Variants in SAFB2 observed in about 807,000 individuals in gnomAD.
SAFB2 encodes scaffold attachment factor B2.
SAFB2 carries 32 observed loss-of-function variants against 100.6 expected under a neutral mutation model. The observed-to-expected ratio is 0.32, with a 90% CI of 0.24 to 0.43. The LOEUF (loss-of-function observed/expected upper bound fraction) is 0.43. Among genes scored for constraint, SAFB2 ranks in the 20% least tolerant of loss-of-function variants. The probability of loss-of-function intolerance (pLI) is 1.00; values close to 1 mark genes in which losing one functional copy is unlikely to be tolerated. For synonymous variants in SAFB2, 500 were observed against 439.4 expected (o/e 1.14, Z -1.72); for missense variants, 1,185 against 1,163.4 (o/e 1.02, Z -0.27).
At chr19:5,621,654 T>C (rs2053151576) in intron 1 of SAFB2, among the ~76,000 whole-genome samples, 1 of 152,218 alleles carries the variant, frequency 6.6e-6, no homozygotes, top group South Asian at 2.1e-4. Context: ...AGTTCCAAAA[T>C]GGCAACTCAA....
intron 9 of SAFB2, among the ~76,000 whole-genome samples, chr19:5,609,321 T>TTTA (rs1025827306): frequency 7.1e-6 from 1 of 140,506 alleles, no homozygotes; most frequent in African/African-American, 2.6e-5. Flanking sequence ...TTTTTTTTTT[T>TTTA]ATGACATAGT....
At chr19:5,620,013 A>G (rs529446830) in intron 2 of SAFB2, among the ~76,000 whole-genome samples, 4 of 152,346 alleles carry the variant, frequency 2.6e-5, no homozygotes, top group South Asian at 4.1e-4. Flanking sequence ...CACATCATGC[A>G]TAAGTTAACA....
At chr19:5,621,229 A>G in intron 2 of SAFB2, 80 bp downstream of exon 2, 4 of 923,928 alleles carry the variant, frequency 4.3e-6, no homozygotes, top group South Asian at 2.6e-5. Context: ...CTCCCAGCCT[A>G]GAAGGCGGGA....
chr19:5,612,803 T>C (rs899832337), intron 5 of SAFB2, among the ~76,000 whole-genome samples: 11 of 152,332 alleles, frequency 7.2e-5, no homozygotes, highest in African/African-American at 2.6e-4. Flanking sequence ...TCTCCCGAGT[T>C]TGGGCCCTGC....
chr19:5,604,989 C>G, intron 9 of SAFB2, 53 bp from the exon 10 acceptor site: 1 of 1,579,626 alleles, frequency 6.3e-7, no homozygotes, highest in Non-Finnish European at 8.6e-7. Flanking sequence ...ACACAACTTG[C>G]TAAAGTTATT....
intron 2 of SAFB2, among the ~76,000 whole-genome samples, chr19:5,619,656 A>G (rs2053101306): frequency 6.6e-6 from 1 of 152,116 alleles, no homozygotes; most frequent in Admixed American, 6.5e-5. Flanking sequence ...CCTGGCCAAC[A>G]TGGATGGTGA....
chr19:5,588,477 G>A (rs567063925), intron 18 of SAFB2, among the ~76,000 whole-genome samples: 1 of 152,282 alleles, frequency 6.6e-6, no homozygotes, highest in African/African-American at 2.4e-5. Flanking sequence ...CAGCCAAAGG[G>A]AGAAGGACCC....
chr19:5,610,728 C>A (rs201142666), intron 7 of SAFB2, 40 bp from the exon 8 acceptor site: 1 of 1,346,664 alleles, frequency 7.4e-7, no homozygotes, highest in Non-Finnish European at 1.0e-6. Context: ...AGGAAAAAAA[C>A]GAAAGAGAAC....
intron 4 of SAFB2, 193 bp from the exon 5 acceptor site, chr19:5,613,720 C>T (rs1368335512): frequency 1.8e-5 from 18 of 985,342 alleles, no homozygotes; most frequent in South Asian, 4.7e-5. Flanking sequence ...GCTCCACCAG[C>T]GTCTCTGGCA....
chr19:5,587,088 TAAAAAAA>T lies in SAFB2; in HGVS notation c.*148_*154del, dbSNP rs761417725. The T allele has an allele frequency of 3.8e-6, 3 of 790,938 alleles. No individual in the cohort carries two copies. Among genetic ancestry groups the T allele is most frequent in the Non-Finnish European group, 5.6e-6 (3 of 531,732 alleles). The allele number at this position is 790,938 out of a possible 1,614,324, so 49.0% of individuals were successfully genotyped here. The stretch of plus-strand genomic sequence containing the variant: ...ATGGCAGAACAAGAACACATTTATT[TAAAAAAA>T]AAAAAAAAGTGAGTTCACATTGTAT... On this transcript the variant is annotated 3_prime_UTR_variant, in exon 21 of 21. Transcript: ENST00000252542. The surrounding 1 kb of genome is among the most constrained non-coding windows in gnomAD (Gnocchi z 4.9).
chr19:5,590,418 A>G lies in SAFB2; in HGVS notation c.2395-10T>C. ...GGTCATCTCCATAGTGCTGGAAGGC[A>G]GGAGAGGAACAGGGTGACACTGACC... On this transcript the variant is annotated splice_polypyrimidine_tract_variant and intron_variant, in intron 17 of 20. Coordinates refer to ENST00000252542, the MANE Select transcript of SAFB2 (RefSeq NM_014649.3). The G allele has an allele frequency of 6.2e-7, 1 of 1,603,520 alleles. No individual in the cohort carries two copies. Among genetic ancestry groups the G allele is most frequent in the Non-Finnish European group, 8.5e-7 (1 of 1,174,502 alleles).
chr19:5,611,278 G>A lies in SAFB2; in HGVS notation c.987C>T (p.Ala329=), dbSNP rs1340678378. 2.6e-6 allele frequency: 1 copy of A among 378,382 alleles called. No homozygotes were observed. Among genetic ancestry groups the A allele is most frequent in the East Asian group, 4.1e-5 (1 of 24,216 alleles). 23.4% of individuals were successfully genotyped at this position (378,382 alleles called of 1,614,324 possible). The change falls in exon 7 of 21, where the codon GCC becomes GCT. Residue 329 remains alanine (A), a synonymous_variant. Transcript: ENST00000252542. ...QSSAASELAE[A]SSEELAEAPT... ...GTGCTTCTGCGAGCTCCTCGCTAGA[G>A]GCCTCCGCGAGCTCGGAGGCCGCAC...
Position 5,604,613 on chromosome 19 carries a change from C to A in SAFB2, c.1529G>T (p.Arg510Ile). 1.2e-6 allele frequency: 2 copies of A among 1,614,120 alleles called. No homozygotes were observed. Among genetic ancestry groups the A allele is most frequent in the Non-Finnish European group, 1.7e-6 (2 of 1,179,948 alleles). Reference protein sequence around the residue: ...VKKEKLSSVDRHHSVEIKIEK... With the variant: ...VKKEKLSSVDIHHSVEIKIEK... ...AATTTTGATCTCCACAGAATGATGTCTGTCGACACTCGATAATTTTTCCTT... is the reference window on the plus strand; with the variant it reads ...AATTTTGATCTCCACAGAATGATGTATGTCGACACTCGATAATTTTTCCTT... The change falls in exon 11 of 21, where the codon AGA becomes ATA. Residue 510 changes from arginine to isoleucine, a missense_variant. Physicochemically the swap from Arg to Ile is moderately conservative, Grantham distance 97 (BLOSUM62 -3). This residue lies in a region of SAFB2 where 740 missense variants were observed against 687.1 expected (regional missense o/e 1.08). Transcript: ENST00000252542.
In SAFB2 at chr19:5,587,307, C is replaced by T. The variant is rs1334882385; in HGVS notation, c.2798G>A (p.Gly933Asp). 6.2e-7 allele frequency: 1 copy of T among 1,612,420 alleles called. No homozygotes were observed. The highest frequency in any genetic ancestry group is 1.7e-5 in the Admixed American group (1 of 59,846). ...AGGGTGTGGGTGAGGGACTCTGCTGCCCCGGTCCTGGCTGGCCACTCCGCC... is the reference window on the plus strand; with the variant it reads ...AGGGTGTGGGTGAGGGACTCTGCTGTCCCGGTCCTGGCTGGCCACTCCGCC... ...EGGGVASQDR[G>D]SRVPHPHPHP... is the part of the protein sequence containing the mutation. Residue 933 changes from glycine to aspartate, a missense_variant, in exon 21 of 21, where the codon GGC becomes GAC. Around this residue, in one of 3 missense-constraint regions of SAFB2, gnomAD observed 740 missense variants for 687.1 expected, o/e 1.08. Coordinates refer to ENST00000252542, the MANE Select transcript of SAFB2 (RefSeq NM_014649.3). This position sits in a 1 kb window ranked among gnomAD's most constrained non-coding sequence, Gnocchi z 4.9.
intron 17 of SAFB2, chr19:5,591,239 A>T (rs1043503783): frequency 4.6e-5 from 7 of 151,916 alleles, no homozygotes; most frequent in African/African-American, 1.5e-4. Context: ...AATGACAGAA[A>T]CTTGAGCATT....
chr19:5,604,553 TC>T (rs753489535), intron 11 of SAFB2, 29 bp downstream of exon 11: 1 of 1,568,062 alleles, frequency 6.4e-7, no homozygotes, highest in Non-Finnish European at 8.8e-7. Flanking sequence ...TCCCAGGGAT[TC>T]CAAGAGGAGG....
intron 6 of SAFB2, chr19:5,612,295 G>C (rs917809816): frequency 1.8e-6 from 1 of 549,122 alleles, no homozygotes; most frequent in African/African-American, 1.9e-5. Context: ...GCCACTCTAC[G>C]TGGTTAGACA....
At chr19:5,620,483 C>T (rs995399060) in intron 2 of SAFB2, among the ~76,000 whole-genome samples, 2 of 152,194 alleles carry the variant, frequency 1.3e-5, no homozygotes, top group African/African-American at 2.4e-5. Context: ...TCAAAAATAA[C>T]TGGTATCAGC....
Position 5,587,360 on chromosome 19 carries a change from G to A in SAFB2, c.2745C>T (p.His915=), listed in dbSNP as rs781125911. ...GFAQGGHSQG[H]VVPGGGLEGG... Reference sequence around the variant, plus strand: ...CTTCCAGTCCGCCACCTGGCACCACGTGGCCCTGGGAATGTCCACCTTGTG... The same window carrying A: ...CTTCCAGTCCGCCACCTGGCACCACATGGCCCTGGGAATGTCCACCTTGTG... The change falls in exon 21 of 21, where the codon CAC becomes CAT. Residue 915 remains histidine (H), a synonymous_variant. Transcript: ENST00000252542. This position sits in a 1 kb window ranked among gnomAD's most constrained non-coding sequence, Gnocchi z 4.9. 19 of 1,612,952 alleles carry A rather than the reference G, an allele frequency of 1.2e-5. No individual in the cohort carries two copies. The highest frequency in any genetic ancestry group is 2.2e-5 in the East Asian group (1 of 44,856).
Sources: allele counts gnomAD v4.1 joint callset (sites outside exome capture counted in the v4.1 genomes callset), GRCh38; gene constraint gnomAD v4.1.1; regional missense constraint gnomAD v4.1.1; non-coding constraint Gnocchi (gnomAD v3.1); transcripts MANE v1.5; gene names NCBI Gene and HGNC (gene_info 2026-07-23, HGNC 2026-07-21).